ZNF566: variants seen among roughly 807,000 people sequenced by gnomAD.
ZNF566 encodes the protein zinc finger protein 566.
ZNF566 carries 27 observed loss-of-function variants against 32.8 expected under a neutral mutation model. The observed-to-expected ratio is 0.82, with a 90% CI of 0.61 to 1.14. ZNF566 has a LOEUF of 1.14. Ranked by LOEUF, ZNF566 falls within the 50% of genes most tolerant of loss-of-function variation. The pLI, the probability that ZNF566 is intolerant of heterozygous loss-of-function variation, is 0.00. For synonymous variants in ZNF566, 154 were observed against 159.5 expected, an observed-to-expected ratio of 0.97 and a Z score of 0.26; for missense variants, 402 against 490.4, an observed-to-expected ratio of 0.82 and a Z score of 1.70.
At chr19:36,475,032 T>C (rs937882411) in intron 2 of ZNF566, among the ~76,000 whole-genome samples, 10 of 152,116 alleles carry the variant, frequency 6.6e-5, no homozygotes, top group Admixed American at 5.9e-4. Context: ...AGTTTCACCG[T>C]TGGTATTACT....
rs778544535 is a variant in ZNF566, at chr19:36,476,552, A to G, written c.6T>C (p.Ala2=). The change falls in exon 2 of 5, where the codon GCT becomes GCC. Residue 2 remains alanine, a synonymous_variant. Coordinates refer to ENST00000452939, the MANE Select transcript of ZNF566 (RefSeq NM_001145344.1). M[A]QESVMFSDVS... is the part of the protein sequence containing the mutation. The stretch of plus-strand genomic sequence containing the variant: ...GCAAAAGGAAACAGTATCTCACCTG[A>G]GCCATGGCTCTGATATTTGTAGAAA... 4 of 1,613,558 alleles carry G rather than the reference A, an allele frequency of 2.5e-6. No individual in the cohort carries two copies. The highest frequency in any genetic ancestry group is 2.5e-6 in the Non-Finnish European group (3 of 1,179,694).
At chr19:36,460,721 C>T (rs2033440411) in intron 4 of ZNF566, among the ~76,000 whole-genome samples, 1 of 151,916 alleles carries the variant, frequency 6.6e-6, no homozygotes, top group Non-Finnish European at 1.5e-5. Flanking sequence ...GCTCAGCCAC[C>T]CCAAATAGGA....
intron 4 of ZNF566, among the ~76,000 whole-genome samples, chr19:36,452,722 T>C (rs2033188370): frequency 6.6e-6 from 1 of 151,694 alleles, no homozygotes; most frequent in African/African-American, 2.4e-5. Flanking sequence ...ACACTAACAA[T>C]ATAAAAATAT....
intron 1 of ZNF566, among the ~76,000 whole-genome samples, chr19:36,478,763 C>T (rs1187348227): frequency 1.3e-5 from 2 of 152,124 alleles, no homozygotes; most frequent in Non-Finnish European, 2.9e-5. Flanking sequence ...GCCTAGAATG[C>T]AAGATTCTAA....
intron 1 of ZNF566, 67 bp downstream of exon 1, chr19:36,489,419 C>G: frequency 3.3e-6 from 1 of 300,744 alleles, no homozygotes; most frequent in Non-Finnish European, 6.5e-6. Context: ...TCACCTCCAC[C>G]GCCGCACAAA....
chr19:36,459,311 G>A (rs1478137259), intron 4 of ZNF566, among the ~76,000 whole-genome samples: 3 of 150,802 alleles, frequency 2.0e-5, no homozygotes, highest in African/African-American at 4.9e-5. Context: ...AGAGGTTTTT[G>A]TTTTGTTTTG....
At chr19:36,480,826 G>A (rs892160865) in intron 1 of ZNF566, among the ~76,000 whole-genome samples, 1 of 151,798 alleles carries the variant, frequency 6.6e-6, no homozygotes, top group African/African-American at 2.4e-5. Context: ...GAACACCTGA[G>A]GTCAGGAGTT....
chr19:36,452,834 A>G (rs1435170153), intron 4 of ZNF566, among the ~76,000 whole-genome samples: 1 of 152,138 alleles, frequency 6.6e-6, no homozygotes, highest in Admixed American at 6.6e-5. Context: ...AAGTTAGAAG[A>G]CAAGGCTGGG....
chr19:36,469,024 G>A (rs1043714095), intron 4 of ZNF566, among the ~76,000 whole-genome samples: 3 of 151,722 alleles, frequency 2.0e-5, no homozygotes, highest in Admixed American at 1.3e-4. Context: ...TTAAAAGTAT[G>A]AAATATAGAA....
intron 3 of ZNF566, 64 bp from the exon 4 acceptor site, chr19:36,473,070 C>A: frequency 7.0e-7 from 1 of 1,423,206 alleles, no homozygotes; most frequent in Admixed American, 1.8e-5. Context: ...CAAATCCAGT[C>A]CCTTCATTAT....
At chr19:36,468,432 C>T (rs561333579) in intron 4 of ZNF566, among the ~76,000 whole-genome samples, 1 of 151,436 alleles carries the variant, frequency 6.6e-6, no homozygotes, top group African/African-American at 2.4e-5. Context: ...ATGGCAAAAC[C>T]CTGTCTCTAC....
In ZNF566 at chr19:36,461,492, C is replaced by T. The variant is rs138224803; in HGVS notation, c.232+11419G>A. Among the ~76,000 whole-genome samples the T allele has an allele frequency of 6.9e-3, 1,051 of 152,100 alleles. 10 individuals carry two copies. The highest frequency in any genetic ancestry group is 0.023 in the African/African-American group (973 of 41,496). ...TTGAGACCTGGCCAACACGGTAAAA[C>T]CTCATCTCTACTAAAAATACAAAAA... On this transcript the variant is annotated intron_variant, in intron 4 of 4. Coordinates refer to ENST00000452939, the MANE Select transcript of ZNF566 (RefSeq NM_001145344.1).
At chr19:36,482,155 G>C (rs1167600465) in intron 1 of ZNF566, among the ~76,000 whole-genome samples, 1 of 152,168 alleles carries the variant, frequency 6.6e-6, no homozygotes, top group Admixed American at 6.5e-5. Flanking sequence ...GCCCAGGCTG[G>C]AGTGCAGTGG....
chr19:36,472,014 G>A (rs2145684346), intron 4 of ZNF566, among the ~76,000 whole-genome samples: 1 of 152,250 alleles, frequency 6.6e-6, no homozygotes, highest in South Asian at 2.1e-4. Context: ...AAAGTGCTGG[G>A]ATTACAGGGG....
chr19:36,458,242 T>TAC (rs35452928), intron 4 of ZNF566, among the ~76,000 whole-genome samples: 1 of 151,854 alleles, frequency 6.6e-6, no homozygotes, highest in Non-Finnish European at 1.5e-5. Flanking sequence ...TATATATGTA[T>TAC]ACACACACAC....
chr19:36,453,240 C>T (rs926917207), intron 4 of ZNF566, among the ~76,000 whole-genome samples: 4 of 151,616 alleles, frequency 2.6e-5, no homozygotes, highest in African/African-American at 7.3e-5. Context: ...TTTGGGAGGC[C>T]GAGGTGTGCA....
intron 4 of ZNF566, among the ~76,000 whole-genome samples, chr19:36,462,835 T>C (rs901820894): frequency 4.6e-5 from 7 of 151,350 alleles, no homozygotes; most frequent in Admixed American, 4.0e-4. Flanking sequence ...GGGGTGCCTG[T>C]AATCCAAGCT....
chr19:36,482,129 G>A (rs1009459931), intron 1 of ZNF566, among the ~76,000 whole-genome samples: 5 of 152,082 alleles, frequency 3.3e-5, no homozygotes, highest in Non-Finnish European at 5.9e-5. Flanking sequence ...ATTTTGAGAC[G>A]GAGTCTCGCT....
At chr19:36,479,403 A>G (rs1171776897) in intron 1 of ZNF566, among the ~76,000 whole-genome samples, 2 of 152,238 alleles carry the variant, frequency 1.3e-5, no homozygotes, top group East Asian at 3.9e-4. Context: ...ATATAGAGAC[A>G]ATATATAAAA....
Sources: allele counts gnomAD v4.1 joint callset (sites outside exome capture counted in the v4.1 genomes callset), GRCh38; gene constraint gnomAD v4.1.1; transcripts MANE v1.5; gene names NCBI Gene and HGNC (gene_info 2026-07-23, HGNC 2026-07-21).